Variants in MAST4 observed in about 807,000 individuals in gnomAD.
MAST4 encodes microtubule associated serine/threonine kinase family member 4, also known as microtubule-associated serine/threonine-protein kinase 4.
MAST4 carries 89 observed loss-of-function variants against 162.7 expected under a neutral mutation model. The ratio of observed to expected loss-of-function variants is 0.55; its 90% CI spans 0.46 to 0.65. The LOEUF is 0.65. Among genes scored for constraint, MAST4 ranks in the 30% least tolerant of loss-of-function variants. The pLI, the probability that MAST4 is intolerant of heterozygous loss-of-function variation, is 0.00. For missense variants in MAST4, 3,153 were observed against 3,374.0 expected, an observed-to-expected ratio of 0.93 and a Z score of 1.62; for synonymous variants, 1,479 against 1,361.1, an observed-to-expected ratio of 1.09 and a Z score of -1.91.
chr5:67,164,852 G>C lies in MAST4; in HGVS notation c.5673G>C (p.Leu1891=). ...RGLQNSPAVS[L]PDPEFKRDRK... ...TCCAGAATTCACCAGCAGTTTCCCT[G>C]CCTGACCCAGAGTTCAAGAGGGACA... Residue 1891 remains leucine, a synonymous_variant, in exon 29 of 29, where the codon CTG becomes CTC. Transcript: ENST00000403625. This position sits in a 1 kb window ranked among gnomAD's most constrained non-coding sequence, Gnocchi z 5.3. 6.2e-7 allele frequency: 1 copy of C among 1,613,998 alleles called. No individual in the cohort carries two copies. The highest frequency in any genetic ancestry group is 8.5e-7 in the Non-Finnish European group (1 of 1,179,890).
At chr5:66,953,642 G>C (rs1186489689) in intron 4 of MAST4, among the ~76,000 whole-genome samples, 2 of 151,996 alleles carry the variant, frequency 1.3e-5, no homozygotes, top group African/African-American at 4.8e-5. Context: ...TGTGGCATGA[G>C]AAGCAAAACA....
chr5:66,921,633 C>G (rs151061913), intron 4 of MAST4, among the ~76,000 whole-genome samples: 3,106 of 152,134 alleles, frequency 0.02, 106 homozygotes, highest in African/African-American at 0.072. Context: ...GTGGCGCACG[C>G]CTGTAATCCC....
chr5:66,955,028 C>T (rs185244762), intron 4 of MAST4, among the ~76,000 whole-genome samples: 22 of 151,826 alleles, frequency 1.4e-4, no homozygotes, highest in African/African-American at 4.8e-4. Flanking sequence ...TAGTGAAACC[C>T]ATCTCTACAA....
intron 3 of MAST4, among the ~76,000 whole-genome samples, chr5:66,889,153 A>G (rs1026550135): frequency 2.6e-5 from 4 of 152,214 alleles, no homozygotes; most frequent in East Asian, 1.9e-4. Context: ...GTGCAGATCA[A>G]TACTTCGAAT....
chr5:66,676,330 T>C (rs1747945596), intron 1 of MAST4, among the ~76,000 whole-genome samples: 1 of 152,178 alleles, frequency 6.6e-6, no homozygotes, highest in Admixed American at 6.5e-5. Context: ...AACTAGTAAC[T>C]TGCACATCAC....
chr5:67,015,161 G>A (rs182677199), intron 4 of MAST4, among the ~76,000 whole-genome samples: 2 of 152,148 alleles, frequency 1.3e-5, no homozygotes, highest in Non-Finnish European at 2.9e-5. Flanking sequence ...CTTTTTTTCA[G>A]TTAGCAGAAG....
At chr5:67,100,320 A>G in intron 7 of MAST4, 115 bp from the exon 8 acceptor site, 1 of 1,008,532 alleles carries the variant, frequency 9.9e-7, no homozygotes, top group Non-Finnish European at 1.4e-6. Context: ...CTTTAACATG[A>G]AAAAGAAACA....
At chr5:66,722,127 A>G (rs1339842212) in intron 1 of MAST4, among the ~76,000 whole-genome samples, 1 of 152,138 alleles carries the variant, frequency 6.6e-6, no homozygotes, top group Non-Finnish European at 1.5e-5. Flanking sequence ...GATGTCAGCC[A>G]GACCACTCTT....
chr5:66,848,814 C>A lies in MAST4; in HGVS notation c.643-51137C>A, dbSNP rs1356179652. ...ATGATTTAAGATCCAATTCCATAGA[C>A]CCTCTTGCCAGACCACATGTATGTC... is the stretch of plus-strand genomic sequence containing the variant. On this transcript the variant is annotated intron_variant, in intron 3 of 28. Transcript: ENST00000403625. 3.9e-5 allele frequency among the ~76,000 whole-genome samples: 6 copies of A among 152,174 alleles called. No individual in the cohort carries two copies. In the East Asian group the frequency reaches 5.8e-4, roughly 15 times the overall value.
Position 67,166,454 on chromosome 5 carries a change from G to A in MAST4, c.7275G>A (p.Gln2425=). Residue 2425 remains glutamine (Q), a synonymous_variant, in exon 29 of 29, where the codon CAG becomes CAA. Coordinates refer to ENST00000403625, the MANE Select transcript of MAST4 (RefSeq NM_001164664.2). ...CCAGAGGGAAAGGGCCCGGTCCCCAGAAGCCACCGACGGAGGCAGACAAGC... is the reference window on the plus strand; with the variant it reads ...CCAGAGGGAAAGGGCCCGGTCCCCAAAAGCCACCGACGGAGGCAGACAAGC... ...PEARGKGPGP[Q]KPPTEADKPN... The A allele has an allele frequency of 1.2e-6, 2 of 1,602,272 alleles. No individual in the cohort carries two copies. The highest frequency in any genetic ancestry group is 2.7e-5 in the African/African-American group (2 of 74,812).
intron 2 of MAST4, 63 bp from the exon 3 acceptor site, chr5:66,788,607 C>CCCAAAAAAAAAAAAA: frequency 7.3e-7 from 1 of 1,373,728 alleles, no homozygotes; most frequent in Non-Finnish European, 1.0e-6. Context: ...CCCCCACCCC[C>CCCAAAAAAAAAAAAA]ATTGCAATAA....
chr5:66,597,046 T>G, intron 1 of MAST4, 28 bp downstream of exon 1: 1 of 1,401,812 alleles, frequency 7.1e-7, no homozygotes, highest in Non-Finnish European at 9.2e-7. Context: ...TTGCCCACTC[T>G]GGGTTCCGGC....
At chr5:67,054,169 T>C (rs1342998549) in intron 4 of MAST4, among the ~76,000 whole-genome samples, 1 of 152,204 alleles carries the variant, frequency 6.6e-6, no homozygotes, top group Non-Finnish European at 1.5e-5. Flanking sequence ...CATTTGATTA[T>C]TGCTCCACTG....
intron 1 of MAST4, among the ~76,000 whole-genome samples, chr5:66,606,936 A>ACTG (rs1742928989): frequency 6.6e-6 from 1 of 151,604 alleles, no homozygotes; most frequent in African/African-American, 2.4e-5. Flanking sequence ...TTAAATATTA[A>ACTG]ATGAGTATAT....
In MAST4 at chr5:66,596,456, G is replaced by T. The variant is rs1387859362; in HGVS notation, c.-200G>T. 6.6e-5 allele frequency: 38 copies of T among 577,030 alleles called. No homozygotes were observed. Among genetic ancestry groups the T allele is most frequent in the Non-Finnish European group, 8.7e-5 (34 of 389,322 alleles). The allele number at this position is 577,030 out of a possible 1,614,324, so 35.7% of individuals were successfully genotyped here. A position where few individuals can be genotyped will look rare whatever the true frequency, so the allele number is the denominator to read the frequency against. ...CCCGCGCGCGGGAGCCTCCGTTTGC[G>T]GCCGGGCCCGGGCGGCTGTGAACTT... On this transcript the variant is annotated 5_prime_UTR_variant, in exon 1 of 29. Coordinates refer to ENST00000403625, the MANE Select transcript of MAST4 (RefSeq NM_001164664.2).
At position 66,884,886 on chromosome 5, in the gene MAST4, A is replaced by G. The variant is rs139126857; in HGVS notation, c.643-15065A>G. ...TGCTAAATTTTATTTTAACCTTGCA[A>G]ATAGGTGAAAGGAAGGGCACAGTTA... On this transcript the variant is annotated intron_variant, in intron 3 of 28. Coordinates refer to ENST00000403625, the MANE Select transcript of MAST4 (RefSeq NM_001164664.2). Among the ~76,000 whole-genome samples, 401 of 152,310 alleles carry G rather than the reference A, an allele frequency of 2.6e-3. 2 individuals are homozygous for G. Among genetic ancestry groups the G allele is most frequent in the Non-Finnish European group, 2.7e-3 (182 of 68,028 alleles).
At chr5:66,982,469 T>A (rs1748981677) in intron 4 of MAST4, among the ~76,000 whole-genome samples, 1 of 152,136 alleles carries the variant, frequency 6.6e-6, no homozygotes, top group East Asian at 1.9e-4. Flanking sequence ...TATTAAAGTG[T>A]GTATTTCTGA....
At chr5:66,807,226 G>A (rs1756233073) in intron 3 of MAST4, among the ~76,000 whole-genome samples, 1 of 152,212 alleles carries the variant, frequency 6.6e-6, no homozygotes, top group African/African-American at 2.4e-5. Flanking sequence ...GCCGGGTGCG[G>A]TGGCTCACGC....
chr5:66,955,820 ATATTTCAGGCTG>A (rs1468945313), intron 4 of MAST4, among the ~76,000 whole-genome samples: 2 of 152,188 alleles, frequency 1.3e-5, no homozygotes, highest in African/African-American at 4.8e-5. Flanking sequence ...TACTCAATAT[ATATTTCAGGCTG>A]AAGTGTGTAC....
Sources: allele counts gnomAD v4.1 joint callset (sites outside exome capture counted in the v4.1 genomes callset), GRCh38; gene constraint gnomAD v4.1.1; non-coding constraint Gnocchi (gnomAD v3.1); transcripts MANE v1.5; gene names NCBI Gene and HGNC (gene_info 2026-07-23, HGNC 2026-07-21).